The following GABRG3 variants were observed in gnomAD, a reference collection of about 807,000 sequenced individuals.
The protein encoded by GABRG3 is gamma-aminobutyric acid receptor subunit gamma-3.
Under a neutral mutation model 48.8 loss-of-function variants are expected in GABRG3, and 25 were observed. That is an observed-to-expected ratio of 0.51 (90% CI 0.37 to 0.72). The LOEUF (loss-of-function observed/expected upper bound fraction) is 0.72. Among genes scored for constraint, GABRG3 ranks in the 30% least tolerant of loss-of-function variants. The pLI is 0.00. For missense variants in GABRG3, 394 were observed against 577.9 expected, an observed-to-expected ratio of 0.68 and a Z score of 3.26; for synonymous variants, 227 against 217.6, an observed-to-expected ratio of 1.04 and a Z score of -0.38.
At chr15:27,127,779 A>G (rs1897846820) in intron 3 of GABRG3, among the ~76,000 whole-genome samples, 1 of 151,574 alleles carries the variant, frequency 6.6e-6, no homozygotes, top group Non-Finnish European at 1.5e-5. Context: ...TCTATATTTT[A>G]AATAACAATA....
chr15:27,134,247 A>G (rs996995163), intron 3 of GABRG3, among the ~76,000 whole-genome samples: 6 of 152,312 alleles, frequency 3.9e-5, no homozygotes, highest in Non-Finnish European at 8.8e-5. Context: ...TAACTTAAGC[A>G]TACACTTTAT....
In GABRG3 at chr15:27,180,085, A is replaced by G. The variant is rs1230820085; in HGVS notation, c.271-146724A>G. On this transcript the variant is annotated intron_variant, in intron 3 of 9. Coordinates refer to ENST00000615808, the MANE Select transcript of GABRG3 (RefSeq NM_033223.5). The surrounding 1 kb of genome is among the most constrained non-coding windows in gnomAD (Gnocchi z 4.2). ...ATCTCTGTGAGTCTTGGCCTTCCCC[A>G]GGAGACTGTGGGGCTCGTTGCACTT... Among the ~76,000 whole-genome samples, 5 of 152,154 alleles carry G rather than the reference A, an allele frequency of 3.3e-5. No individual in the cohort carries two copies. The highest frequency in any genetic ancestry group is 7.3e-5 in the Non-Finnish European group (5 of 68,032).
rs1889968038 is a variant in GABRG3 at position 27,236,408 on chromosome 15, T to G, written c.271-90401T>G. Among the ~76,000 whole-genome samples the G allele has an allele frequency of 6.6e-6, 1 of 152,178 alleles. No individual in the cohort carries two copies. The highest frequency in any genetic ancestry group is 1.5e-5 in the Non-Finnish European group (1 of 68,026). On this transcript the variant is annotated intron_variant, in intron 3 of 9. Transcript: ENST00000615808. This position sits in a 1 kb window ranked among gnomAD's most constrained non-coding sequence, Gnocchi z 4.4. ...GTTGGCTGAGAGAAACCTTAGAAACTGAGTTCCCGGCCATGACAGGACAGG... is the reference window on the plus strand; with the variant it reads ...GTTGGCTGAGAGAAACCTTAGAAACGGAGTTCCCGGCCATGACAGGACAGG...
intron 2 of GABRG3, among the ~76,000 whole-genome samples, chr15:26,994,681 G>T (rs1304179118): frequency 2.0e-5 from 3 of 152,032 alleles, no homozygotes; most frequent in Non-Finnish European, 4.4e-5. Context: ...GCTATTATCA[G>T]TGAGTTTTGT....
intron 3 of GABRG3, among the ~76,000 whole-genome samples, chr15:27,170,145 A>T (rs1390810477): frequency 1.3e-5 from 2 of 152,232 alleles, no homozygotes; most frequent in East Asian, 3.9e-4. Flanking sequence ...GAGAGCTCAG[A>T]CAAATGCAGA....
chr15:27,180,217 G>A lies in GABRG3; in HGVS notation c.271-146592G>A, dbSNP rs1887884342. Among the ~76,000 whole-genome samples the A allele has an allele frequency of 6.6e-6, 1 of 152,122 alleles. No homozygotes were observed. The highest frequency in any genetic ancestry group is 1.9e-4 in the East Asian group (1 of 5,188). On this transcript the variant is annotated intron_variant, in intron 3 of 9. Coordinates refer to ENST00000615808, the MANE Select transcript of GABRG3 (RefSeq NM_033223.5). This position sits in a 1 kb window ranked among gnomAD's most constrained non-coding sequence, Gnocchi z 4.2. Reference sequence around the variant, plus strand: ...CACACACTTTTTCTGAAGGACCTTAGCACGGTCTAAATAAAGTTTGTAAAC... The same window carrying A: ...CACACACTTTTTCTGAAGGACCTTAACACGGTCTAAATAAAGTTTGTAAAC...
chr15:27,365,667 G>C (rs1447133794), intron 5 of GABRG3: 2 of 152,142 alleles, frequency 1.3e-5, no homozygotes, highest in Non-Finnish European at 2.9e-5. Context: ...AGGTTGCCCA[G>C]TTTCCCCACT....
chr15:27,311,591 T>C (rs986689413), intron 3 of GABRG3, among the ~76,000 whole-genome samples: 4 of 150,210 alleles, frequency 2.7e-5, no homozygotes, highest in African/African-American at 9.8e-5. Context: ...ACAACAACAA[T>C]AAAACACACA....
chr15:27,523,222 G>T (rs1392995693), intron 7 of GABRG3, among the ~76,000 whole-genome samples: 1 of 151,718 alleles, frequency 6.6e-6, no homozygotes, highest in African/African-American at 2.4e-5. Context: ...TTTCTGACAT[G>T]AAAACACACT....
chr15:27,143,651 T>C (rs1566946099), intron 3 of GABRG3, among the ~76,000 whole-genome samples: 1 of 152,196 alleles, frequency 6.6e-6, no homozygotes, highest in East Asian at 1.9e-4. Flanking sequence ...ATCCTTTCTA[T>C]AGACTTGAAA....
At chr15:27,388,731 CG>C (rs1022623923) in intron 5 of GABRG3, among the ~76,000 whole-genome samples, 1 of 151,976 alleles carries the variant, frequency 6.6e-6, no homozygotes, top group African/African-American at 2.4e-5. Context: ...ACAGACTCAG[CG>C]GAGAGTGCAC....
intron 5 of GABRG3, among the ~76,000 whole-genome samples, chr15:27,473,100 G>C (rs370544279): frequency 1.3e-5 from 2 of 152,024 alleles, no homozygotes; most frequent in East Asian, 1.9e-4. Flanking sequence ...TTATTAGGTT[G>C]TATATCATTG....
At chr15:27,209,734 C>T (rs950673272) in intron 3 of GABRG3, among the ~76,000 whole-genome samples, 3 of 152,198 alleles carry the variant, frequency 2.0e-5, no homozygotes, top group Non-Finnish European at 4.4e-5. Context: ...GCTGGGGCAG[C>T]TGTAAGAGAA....
intron 5 of GABRG3, among the ~76,000 whole-genome samples, chr15:27,354,394 G>A (rs746929281): frequency 2.6e-5 from 4 of 152,212 alleles, no homozygotes; most frequent in Middle Eastern, 3.4e-3. Context: ...CAAATCCTTC[G>A]CCAACATTCT....
At chr15:27,214,347 A>G (rs1375656005) in intron 3 of GABRG3, among the ~76,000 whole-genome samples, 1 of 152,246 alleles carries the variant, frequency 6.6e-6, no homozygotes, top group African/African-American at 2.4e-5. Flanking sequence ...AATGGCCATG[A>G]TGGCCGCGTC....
chr15:27,251,724 A>T (rs912526271), intron 3 of GABRG3, among the ~76,000 whole-genome samples: 10 of 152,186 alleles, frequency 6.6e-5, no homozygotes, highest in Admixed American at 2.6e-4. Flanking sequence ...TGTAGCCTTT[A>T]TGTCTACACA....
At chr15:27,300,559 AG>A (rs1892163677) in intron 3 of GABRG3, among the ~76,000 whole-genome samples, 1 of 151,774 alleles carries the variant, frequency 6.6e-6, no homozygotes. Context: ...TGAGAGGCTG[AG>A]GCAGGAGAAT....
intron 3 of GABRG3, among the ~76,000 whole-genome samples, chr15:27,106,958 A>G (rs1000935614): frequency 2.0e-5 from 3 of 152,060 alleles, no homozygotes; most frequent in Non-Finnish European, 4.4e-5. Flanking sequence ...TGGCCTAGAT[A>G]GCTTCACAAA....
intron 3 of GABRG3, among the ~76,000 whole-genome samples, chr15:27,213,977 CT>C (rs1483320942): frequency 6.6e-6 from 1 of 152,152 alleles, no homozygotes; most frequent in Admixed American, 6.5e-5. Flanking sequence ...AGGTAACAGT[CT>C]ATTATTGACC....
Sources: allele counts gnomAD v4.1 joint callset (sites outside exome capture counted in the v4.1 genomes callset), GRCh38; gene constraint gnomAD v4.1.1; non-coding constraint Gnocchi (gnomAD v3.1); transcripts MANE v1.5; gene names NCBI Gene and HGNC (gene_info 2026-07-23, HGNC 2026-07-21).